The following PRKAG2 variants were observed in gnomAD, a reference collection of about 807,000 sequenced individuals.
The protein encoded by PRKAG2 is 5'-AMP-activated protein kinase subunit gamma-2.
Under a neutral mutation model 69.6 loss-of-function variants are expected in PRKAG2, and 26 were observed. The observed-to-expected ratio is 0.37, with a 90% confidence interval of 0.27 to 0.52. The LOEUF is 0.52. Ranked by LOEUF, PRKAG2 falls within the 20% of genes least tolerant of loss-of-function variation. PRKAG2 has a pLI of 0.90. For synonymous variants in PRKAG2, 293 were observed against 285.0 expected, an observed-to-expected ratio of 1.03 and a Z score of -0.28; for missense variants, 557 against 740.0, an observed-to-expected ratio of 0.75 and a Z score of 2.87.
intron 5 of PRKAG2, among the ~76,000 whole-genome samples, chr7:151,611,403 G>A (rs754800504): frequency 6.6e-6 from 1 of 152,206 alleles, no homozygotes; most frequent in South Asian, 2.1e-4. Flanking sequence ...GCCAGAGGCC[G>A]CCCTGTTCCA....
intron 3 of PRKAG2, among the ~76,000 whole-genome samples, chr7:151,702,848 G>C (rs1837949464): frequency 6.6e-6 from 1 of 152,198 alleles, no homozygotes; most frequent in Admixed American, 6.5e-5. Flanking sequence ...GTCTCTCCTG[G>C]GAAGGGTCCA....
At chr7:151,633,519 GAA>G (rs1825187069) in intron 4 of PRKAG2, among the ~76,000 whole-genome samples, 2 of 151,620 alleles carry the variant, frequency 1.3e-5, no homozygotes, top group African/African-American at 4.8e-5. Context: ...ATCTACAAAA[GAA>G]AGAAAAAACT....
intron 2 of PRKAG2, among the ~76,000 whole-genome samples, chr7:151,783,187 G>A (rs552096384): frequency 6.6e-6 from 1 of 152,238 alleles, no homozygotes; most frequent in Non-Finnish European, 1.5e-5. Context: ...TCCCCGCGCG[G>A]CCTCTCCAGC....
At chr7:151,690,174 C>T (rs1002584370) in intron 3 of PRKAG2, among the ~76,000 whole-genome samples, 3 of 152,156 alleles carry the variant, frequency 2.0e-5, no homozygotes, top group African/African-American at 7.2e-5. Context: ...ACCTGAATTG[C>T]TGCTAGTGTT....
chr7:151,754,296 T>C (rs1380922994), intron 3 of PRKAG2, among the ~76,000 whole-genome samples: 2 of 152,252 alleles, frequency 1.3e-5, no homozygotes, highest in East Asian at 3.9e-4. Flanking sequence ...CCACACGGGA[T>C]GCCAGGCCAC....
rs116642669 is a variant in PRKAG2 at position 151,644,948 on chromosome 7, T to G, written c.685-12810A>C. Among the ~76,000 whole-genome samples, 406 of 152,346 alleles carry G rather than the reference T, an allele frequency of 2.7e-3. 3 individuals are homozygous for G. Among genetic ancestry groups the G allele is most frequent in the African/African-American group, 9.1e-3 (378 of 41,574 alleles). ...CCTTGAGGACAATATCTTTTTGTGTTTATTGGTAATTAATGTGTTTTCTTT... is the reference window on the plus strand; with the variant it reads ...CCTTGAGGACAATATCTTTTTGTGTGTATTGGTAATTAATGTGTTTTCTTT... On this transcript the variant is annotated intron_variant, in intron 4 of 15. Transcript: ENST00000287878.
chr7:151,762,426 G>A (rs2075473768), intron 3 of PRKAG2, among the ~76,000 whole-genome samples: 1 of 152,190 alleles, frequency 6.6e-6, no homozygotes, highest in Admixed American at 6.5e-5. Flanking sequence ...CAGGTAGGCA[G>A]GCACAAGAAG....
intron 3 of PRKAG2, among the ~76,000 whole-genome samples, chr7:151,676,580 T>C (rs534741061): frequency 7.0e-4 from 106 of 152,320 alleles, no homozygotes; most frequent in African/African-American, 2.5e-3. Flanking sequence ...ACTCTATTTC[T>C]TCCATAGACT....
intron 4 of PRKAG2, among the ~76,000 whole-genome samples, chr7:151,654,248 A>C (rs1165368564): frequency 6.6e-6 from 1 of 152,164 alleles, no homozygotes; most frequent in East Asian, 1.9e-4. Flanking sequence ...CCCATGGTGA[A>C]GGATGAGGAC....
intron 3 of PRKAG2, among the ~76,000 whole-genome samples, chr7:151,693,218 G>A (rs1835985766): frequency 6.6e-6 from 1 of 152,224 alleles, no homozygotes; most frequent in African/African-American, 2.4e-5. Flanking sequence ...GTCCGAACAT[G>A]CAGAAAGCCT....
intron 3 of PRKAG2, among the ~76,000 whole-genome samples, chr7:151,776,394 G>C (rs12539660): frequency 0.19 from 29,017 of 151,922 alleles, 3,498 homozygotes; most frequent in African/African-American, 0.3. Flanking sequence ...CAAGCCAGAA[G>C]AGTGAACCTG....
chr7:151,662,512 T>C (rs1830475728), intron 4 of PRKAG2, among the ~76,000 whole-genome samples: 1 of 152,216 alleles, frequency 6.6e-6, no homozygotes, highest in South Asian at 2.1e-4. Flanking sequence ...ATTCAGCCTT[T>C]TGTCACCTCT....
At chr7:151,870,822 G>C (rs2080204638) in intron 1 of PRKAG2, among the ~76,000 whole-genome samples, 1 of 152,264 alleles carries the variant, frequency 6.6e-6, no homozygotes, top group Non-Finnish European at 1.5e-5. Flanking sequence ...GGCACCGCTG[G>C]CAACAGGCCC....
At chr7:151,720,083 A>T (rs1340903555) in intron 3 of PRKAG2, among the ~76,000 whole-genome samples, 1 of 152,178 alleles carries the variant, frequency 6.6e-6, no homozygotes, top group Non-Finnish European at 1.5e-5. Context: ...AGCCCTTCCA[A>T]GATGGTCCAA....
At chr7:151,650,317 T>A (rs539918739) in intron 4 of PRKAG2, among the ~76,000 whole-genome samples, 1 of 151,586 alleles carries the variant, frequency 6.6e-6, no homozygotes, top group Non-Finnish European at 1.5e-5. Flanking sequence ...AAAAAAAAAT[T>A]TAGAAGAAAA....
chr7:151,679,301 G>C (rs1462744164), intron 3 of PRKAG2, among the ~76,000 whole-genome samples: 3 of 152,150 alleles, frequency 2.0e-5, no homozygotes, highest in African/African-American at 7.2e-5. Context: ...TGTGTAGTGT[G>C]GGGCACTGCC....
At chr7:151,822,571 C>T (rs2078813525) in intron 1 of PRKAG2, among the ~76,000 whole-genome samples, 1 of 152,214 alleles carries the variant, frequency 6.6e-6, no homozygotes, top group Non-Finnish European at 1.5e-5. Context: ...AAGCCAAGGG[C>T]CAGGAGGCGA....
chr7:151,853,759 CAAAAA>C (rs56098823), intron 1 of PRKAG2, among the ~76,000 whole-genome samples: 5 of 109,964 alleles, frequency 4.5e-5, no homozygotes, highest in African/African-American at 7.0e-5. Context: ...GACTCCGTCT[CAAAAA>C]AAAAAAAAAA....
At chr7:151,724,851 G>A (rs950688497) in intron 3 of PRKAG2, among the ~76,000 whole-genome samples, 2 of 152,232 alleles carry the variant, frequency 1.3e-5, no homozygotes, top group African/African-American at 2.4e-5. Context: ...AGCACCCCCC[G>A]AGCCTAGATT....
Sources: gnomAD v4.1 joint callset for allele counts (sites outside exome capture counted in the v4.1 genomes callset) on GRCh38, gnomAD v4.1.1 for gene constraint, MANE v1.5 for transcripts, NCBI Gene and HGNC (gene_info 2026-07-23, HGNC 2026-07-21) for gene names.